Variants in VWA3B observed in about 807,000 individuals in gnomAD.
The protein encoded by VWA3B is von Willebrand factor A domain containing 3B.
Under a neutral mutation model 158.3 loss-of-function variants are expected in VWA3B, and 138 were observed. That is an observed-to-expected ratio of 0.87 (90% CI 0.76 to 1.00). The LOEUF is 1.00. VWA3B is among the 50% of genes least tolerant of loss of function. The pLI is 0.00. For missense variants in VWA3B, 1,555 were observed against 1,565.1 expected (o/e 0.99, Z 0.11); for synonymous variants, 596 against 587.3 (o/e 1.01, Z -0.21).
At chr2:98,180,623 C>G (rs1456811673) in intron 8 of VWA3B, among the ~76,000 whole-genome samples, 1 of 152,230 alleles carries the variant, frequency 6.6e-6, no homozygotes, top group Non-Finnish European at 1.5e-5. Context: ...CAAGTTTGAG[C>G]AACTTGCTAG....
intron 19 of VWA3B, among the ~76,000 whole-genome samples, chr2:98,241,810 A>G (rs1309937000): frequency 6.6e-6 from 1 of 152,090 alleles, no homozygotes; most frequent in East Asian, 1.9e-4. Context: ...ACTGCACAGC[A>G]CACTTGCCCT....
chr2:98,268,258 T>C (rs981712746), intron 21 of VWA3B, among the ~76,000 whole-genome samples: 3 of 151,878 alleles, frequency 2.0e-5, no homozygotes, highest in Non-Finnish European at 4.4e-5. Context: ...TTTAGACCAA[T>C]ATCCTTGATG....
chr2:98,176,541 C>T (rs1395261841), intron 8 of VWA3B, among the ~76,000 whole-genome samples: 1 of 150,642 alleles, frequency 6.6e-6, no homozygotes, highest in African/African-American at 2.4e-5. Context: ...TTTCCTTCTG[C>T]CTTCCTTTTC....
intron 12 of VWA3B, among the ~76,000 whole-genome samples, chr2:98,201,296 A>G (rs1682527149): frequency 6.6e-6 from 1 of 152,158 alleles, no homozygotes; most frequent in Non-Finnish European, 1.5e-5. Flanking sequence ...TTTTTAAATT[A>G]TAAATTTTAA....
intron 8 of VWA3B, among the ~76,000 whole-genome samples, chr2:98,175,704 C>A (rs1479564455): frequency 6.6e-6 from 1 of 152,174 alleles, no homozygotes; most frequent in Non-Finnish European, 1.5e-5. Context: ...CATTAATTTA[C>A]CCATCCAAGA....
chr2:98,129,206 G>GGT (rs1553640724), intron 6 of VWA3B, among the ~76,000 whole-genome samples: 1 of 128,344 alleles, frequency 7.8e-6, no homozygotes, highest in African/African-American at 3.4e-5. Flanking sequence ...GAGAGAGAGA[G>GGT]GAGAGAGAGA....
intron 2 of VWA3B, among the ~76,000 whole-genome samples, chr2:98,102,701 A>C (rs1448925007): frequency 6.6e-6 from 1 of 152,174 alleles, no homozygotes; most frequent in Non-Finnish European, 1.5e-5. Context: ...TTGTAACGTC[A>C]TTGTCAGGTT....
chr2:98,250,230 CAT>C (rs1686709284), intron 19 of VWA3B, 86 bp from the exon 20 acceptor site: 2 of 878,848 alleles, frequency 2.3e-6, no homozygotes, highest in East Asian at 2.7e-5. Flanking sequence ...TCAGAGAAAA[CAT>C]GTTATACAAC....
At chr2:98,104,196 G>A (rs573973752) in intron 2 of VWA3B, among the ~76,000 whole-genome samples, 1 of 152,308 alleles carries the variant, frequency 6.6e-6, no homozygotes, top group African/African-American at 2.4e-5. Context: ...AATTAAATCA[G>A]TTAGTGTCTT....
At chr2:98,139,739 G>A in intron 7 of VWA3B, among the ~76,000 whole-genome samples, 1 of 152,164 alleles carries the variant, frequency 6.6e-6, no homozygotes, top group Non-Finnish European at 1.5e-5. Flanking sequence ...GCACCAATCA[G>A]CGCCCTGTCA....
At chr2:98,212,438 TC>T (rs1253963633) in intron 13 of VWA3B, among the ~76,000 whole-genome samples, 1 of 152,242 alleles carries the variant, frequency 6.6e-6, no homozygotes, top group Admixed American at 6.5e-5. Flanking sequence ...GGCTTAGTAC[TC>T]ATTTAAACAA....
intron 7 of VWA3B, among the ~76,000 whole-genome samples, chr2:98,136,318 TCACCA>T (rs1417052080): frequency 6.6e-6 from 1 of 152,234 alleles, no homozygotes; most frequent in Non-Finnish European, 1.5e-5. Flanking sequence ...TGTACACCCA[TCACCA>T]CCCTTTTCAT....
At chr2:98,207,760 C>T (rs1683141931) in intron 12 of VWA3B, 1 of 359,242 alleles carries the variant, frequency 2.8e-6, no homozygotes, top group Non-Finnish European at 5.4e-6. Context: ...ACTAAGCACT[C>T]ATCTGCTGTA....
intron 14 of VWA3B, among the ~76,000 whole-genome samples, chr2:98,221,286 A>G (rs997302659): frequency 2.6e-5 from 4 of 152,148 alleles, no homozygotes; most frequent in Non-Finnish European, 5.9e-5. Flanking sequence ...CTGACAAAGA[A>G]AGCTCCACGA....
chr2:98,220,930 T>C (rs1166412795), intron 14 of VWA3B, among the ~76,000 whole-genome samples: 9 of 151,716 alleles, frequency 5.9e-5, no homozygotes, highest in African/African-American at 2.2e-4. Context: ...TGAGAACACA[T>C]GGACACAGGG....
rs1573863162 is a variant in VWA3B at position 98,134,105 on chromosome 2, A to G, written c.988+166A>G. On this transcript the variant is annotated intron_variant, in intron 7 of 27. Transcript: ENST00000477737. ...AATGGATATTAGTGGTGAGTTTGTCAGCGTAGCAACCAGGCATAAGTTTAC... is the reference window on the plus strand; with the variant it reads ...AATGGATATTAGTGGTGAGTTTGTCGGCGTAGCAACCAGGCATAAGTTTAC... The G allele has an allele frequency of 4.6e-5, 29 of 632,430 alleles. 1 individual carries two copies. The East Asian group carries it at 8.0e-4, about 17-fold the overall frequency. 39.2% of individuals were successfully genotyped at this position (632,430 alleles called of 1,614,324 possible). A position where few individuals can be genotyped will look rare whatever the true frequency, so the allele number is the denominator to read the frequency against.
intron 26 of VWA3B, among the ~76,000 whole-genome samples, chr2:98,309,665 TCAGTGA>T (rs1392001648): frequency 2.0e-5 from 3 of 152,206 alleles, no homozygotes; most frequent in African/African-American, 4.8e-5. Flanking sequence ...TCTCCTGACA[TCAGTGA>T]AATTAAGTCA....
At chr2:98,141,687 A>G (rs1326281419) in intron 7 of VWA3B, among the ~76,000 whole-genome samples, 1 of 152,142 alleles carries the variant, frequency 6.6e-6, no homozygotes, top group African/African-American at 2.4e-5. Context: ...CTTTTAAGCA[A>G]ACTCTCAAGT....
the VWA3B span, among the ~76,000 whole-genome samples, chr2:98,329,015 CA>C: frequency 6.6e-6 from 1 of 151,944 alleles, no homozygotes; most frequent in Non-Finnish European, 1.5e-5. Context: ...AAAAATAGTC[CA>C]AAAAAGGACC....
Sources: gnomAD v4.1 joint callset for allele counts (sites outside exome capture counted in the v4.1 genomes callset) on GRCh38, gnomAD v4.1.1 for gene constraint, MANE v1.5 for transcripts, NCBI Gene and HGNC (gene_info 2026-07-23, HGNC 2026-07-21) for gene names.